PKD1L1: variants seen among roughly 807,000 people sequenced by gnomAD.
PKD1L1 encodes the protein polycystin 1 like 1, transient receptor potential channel interacting, also known as polycystin-1-like protein 1.
PKD1L1 carries 236 observed loss-of-function variants against 323.4 expected under a neutral mutation model. The observed-to-expected ratio is 0.73, with a 90% CI of 0.66 to 0.81. The LOEUF (loss-of-function observed/expected upper bound fraction) is 0.81. PKD1L1 is among the 40% of genes least tolerant of loss of function. The pLI is 0.00. For synonymous variants in PKD1L1, 1,344 were observed against 1,335.0 expected, an observed-to-expected ratio of 1.01 and a Z score of -0.15; for missense variants, 3,320 against 3,508.0, an observed-to-expected ratio of 0.95 and a Z score of 1.35.
chr7:47,825,194 T>C (rs1457718760), intron 45 of PKD1L1, among the ~76,000 whole-genome samples: 1 of 152,112 alleles, frequency 6.6e-6, no homozygotes, highest in Non-Finnish European at 1.5e-5. Flanking sequence ...GTGAACTCTC[T>C]GTTCACTTTT....
chr7:47,959,718 A>T, the PKD1L1 span, among the ~76,000 whole-genome samples: 1 of 105,236 alleles, frequency 9.5e-6, no homozygotes, highest in Non-Finnish European at 2.1e-5. Context: ...CCCCCCGCCC[A>T]GCCAGCCGCC....
chr7:47,848,071 G>A (rs943212172), intron 31 of PKD1L1, among the ~76,000 whole-genome samples: 1 of 152,068 alleles, frequency 6.6e-6, no homozygotes, highest in South Asian at 2.1e-4. Flanking sequence ...TATAAGACTG[G>A]CAAAACTCAA....
chr7:47,796,291 T>C (rs1784529479), intron 54 of PKD1L1, 141 bp from the exon 55 acceptor site: 3 of 813,652 alleles, frequency 3.7e-6, no homozygotes. Flanking sequence ...GATTTCTTGG[T>C]GAAAAAAAGC....
chr7:47,793,943 T>C (rs1320774053), intron 55 of PKD1L1, among the ~76,000 whole-genome samples: 1 of 152,146 alleles, frequency 6.6e-6, no homozygotes, highest in Non-Finnish European at 1.5e-5. Context: ...TGCCCCACCC[T>C]AGAGATTTGT....
chr7:47,871,788 G>T (rs1786285352), intron 24 of PKD1L1, among the ~76,000 whole-genome samples: 1 of 152,256 alleles, frequency 6.6e-6, no homozygotes, highest in African/African-American at 2.4e-5. Context: ...TCTGATAACG[G>T]TTGTCTGTGA....
chr7:47,793,750 C>T (rs1028367331), intron 55 of PKD1L1, among the ~76,000 whole-genome samples: 1 of 152,106 alleles, frequency 6.6e-6, no homozygotes, highest in African/African-American at 2.4e-5. Context: ...CAGAAGAAGA[C>T]AGGAAAATGT....
At chr7:47,799,150 G>A (rs1324120971) in intron 54 of PKD1L1, among the ~76,000 whole-genome samples, 2 of 152,154 alleles carry the variant, frequency 1.3e-5, no homozygotes, top group African/African-American at 4.8e-5. Context: ...TTTGTTGAAT[G>A]AGTGAGTGCA....
the PKD1L1 span, among the ~76,000 whole-genome samples, chr7:47,959,115 C>A: frequency 6.6e-6 from 1 of 152,258 alleles, no homozygotes; most frequent in Non-Finnish European, 1.5e-5. Context: ...GAGTCTGGTT[C>A]ACTCAGTGCT....
At chr7:47,871,017 A>C (rs1040912812) in intron 24 of PKD1L1, among the ~76,000 whole-genome samples, 2 of 150,686 alleles carry the variant, frequency 1.3e-5, no homozygotes, top group African/African-American at 4.9e-5. Flanking sequence ...TTCCAAATTG[A>C]TTGGGGCCAG....
intron 27 of PKD1L1, among the ~76,000 whole-genome samples, 159 bp from the exon 28 acceptor site, chr7:47,857,991 G>A (rs1785943250): frequency 6.6e-6 from 1 of 152,214 alleles, no homozygotes; most frequent in Non-Finnish European, 1.5e-5. Flanking sequence ...TCAGCGCTGG[G>A]TAAGTAGGCA....
Position 47,815,412 on chromosome 7 carries a change from C to T in PKD1L1, c.7011G>A (p.Trp2337Ter). The change falls in exon 47 of 57, where the codon TGG becomes TGA. Residue 2337 changes from tryptophan to a stop codon, truncating the protein, a stop_gained. Coordinates refer to ENST00000289672, the MANE Select transcript of PKD1L1 (RefSeq NM_138295.5). LOFTEE classifies it high-confidence loss of function. ...GAAGTGTGGTCAGACTCCAGTCCCA[C>T]CAGTCAGCGATGTTTCTCAGGCCAC... ...CLGGLRNIAD[W>*]WDWSLTTLLD... 1 of 1,614,086 alleles carries T rather than the reference C, an allele frequency of 6.2e-7. No homozygotes were observed.
At chr7:47,812,830 G>C (rs993721433) in intron 49 of PKD1L1, among the ~76,000 whole-genome samples, 1 of 152,212 alleles carries the variant, frequency 6.6e-6, no homozygotes, top group African/African-American at 2.4e-5. Context: ...CTTGGCACAA[G>C]GTCAGCATGC....
chr7:47,892,009 C>G (rs938410085), intron 15 of PKD1L1, among the ~76,000 whole-genome samples: 2 of 152,170 alleles, frequency 1.3e-5, no homozygotes, highest in Non-Finnish European at 1.5e-5. Context: ...GGGAAAACAA[C>G]GCAACTCATC....
chr7:47,857,679 G>T lies in PKD1L1; in HGVS notation c.4516C>A (p.Gln1506Lys). The change falls in exon 28 of 57, where the codon CAG (glutamine) becomes AAG (lysine). Residue 1506 changes from glutamine to lysine, a missense_variant. Transcript: ENST00000289672. ...AGHSPAGAET[Q>K]SPCYISQLIL... ...AGCTGGCTAATGTAGCATGGGCTCT[G>T]TGTCTCCGCCCCAGCAGGACTGTGC... 2 of 1,614,152 alleles carry T rather than the reference G, an allele frequency of 1.2e-6. No homozygotes were observed. The highest frequency in any genetic ancestry group is 1.7e-6 in the Non-Finnish European group (2 of 1,180,026).
At chr7:47,835,389 G>C in intron 37 of PKD1L1, 146 bp from the exon 38 acceptor site, 1 of 565,580 alleles carries the variant, frequency 1.8e-6, no homozygotes. Context: ...TGAATTTTAA[G>C]TTACAATTCA....
Position 47,919,952 on chromosome 7 carries a change from C to T in PKD1L1, c.1061-4353G>A, listed in dbSNP as rs139371749. 3.5e-4 allele frequency among the ~76,000 whole-genome samples: 54 copies of T among 152,116 alleles called. No individual in the cohort carries two copies. The East Asian group carries it at 0.01, about 28-fold the overall frequency. On this transcript the variant is annotated intron_variant, in intron 7 of 56. Coordinates refer to ENST00000289672, the MANE Select transcript of PKD1L1 (RefSeq NM_138295.5). ...GTTGAAAGCATTCCCTCTGAGAACT[C>T]GAACAAGACAAGGATGCCCACTGTC...
At chr7:47,829,401 C>G (rs1218226503) in intron 44 of PKD1L1, 24 bp downstream of exon 44, 1 of 1,568,330 alleles carries the variant, frequency 6.4e-7, no homozygotes, top group East Asian at 2.3e-5. Context: ...TCTCAATTTG[C>G]ACTGCATAGG....
intron 8 of PKD1L1, among the ~76,000 whole-genome samples, chr7:47,909,225 C>T (rs1787268957): frequency 1.3e-5 from 2 of 152,138 alleles, no homozygotes; most frequent in African/African-American, 4.8e-5. Flanking sequence ...TGTGTCATTC[C>T]CCAGCTTGAT....
At chr7:47,817,594 C>A (rs1785046881) in intron 46 of PKD1L1, among the ~76,000 whole-genome samples, 1 of 152,142 alleles carries the variant, frequency 6.6e-6, no homozygotes, top group Non-Finnish European at 1.5e-5. Context: ...TATGGCTGGG[C>A]ACGGTGGCTC....
Sources: allele counts gnomAD v4.1 joint callset (sites outside exome capture counted in the v4.1 genomes callset), GRCh38; gene constraint gnomAD v4.1.1; transcripts MANE v1.5; gene names NCBI Gene and HGNC (gene_info 2026-07-23, HGNC 2026-07-21).